PARPBP: variants seen among roughly 807,000 people sequenced by gnomAD.
PARPBP encodes the protein PARP1 binding protein, also known as PCNA-interacting partner.
In PARPBP, 52 loss-of-function variants were observed where a neutral mutation model predicts 50.0. That is an observed-to-expected ratio of 1.04 (90% confidence interval 0.83 to 1.31). The LOEUF (loss-of-function observed/expected upper bound fraction) is 1.31. Ranked by LOEUF, PARPBP falls within the 50% of genes most tolerant of loss-of-function variation. The pLI is 0.00. For missense variants in PARPBP, 697 were observed against 672.0 expected (o/e 1.04, Z -0.41); for synonymous variants, 244 against 232.1 (o/e 1.05, Z -0.47).
At chr12:102,152,126 A>T (rs930169827) in intron 3 of PARPBP, 3 of 287,600 alleles carry the variant, frequency 1.0e-5, no homozygotes, top group Non-Finnish European at 2.0e-5. Flanking sequence ...TCCTCTTCCT[A>T]GATGTTGGGC....
rs765629077 is a variant in PARPBP, at chr12:102,197,043, T to TG, written c.*753dup. On this transcript the variant is annotated 3_prime_UTR_variant, in exon 11 of 11. Transcript: ENST00000327680. The stretch of plus-strand genomic sequence containing the variant: ...CATCCCCAATTTCTCTCTTTTCTTG[T>TG]GTTGATTCAGTATTCTGAACTCCAT... The TG allele has an allele frequency of 6.2e-7, 1 of 1,612,252 alleles. No homozygotes were observed. Among genetic ancestry groups the TG allele is most frequent in the East Asian group, 2.2e-5 (1 of 44,774 alleles).
chr12:102,164,337 A>G lies in PARPBP; in HGVS notation c.496-101A>G, dbSNP rs1316703713. 5.0e-6 allele frequency: 4 copies of G among 801,834 alleles called. No homozygotes were observed. In the African/African-American group the frequency reaches 6.9e-5, roughly 14 times the overall value. The allele number at this position is 801,834 out of a possible 1,614,324, so 49.7% of individuals were successfully genotyped here. A position where few individuals can be genotyped will look rare whatever the true frequency, so the allele number is the denominator to read the frequency against. On this transcript the variant is annotated intron_variant, in intron 4 of 10. Coordinates refer to ENST00000327680, the MANE Select transcript of PARPBP (RefSeq NM_017915.5). Reference sequence around the variant, plus strand: ...ATTTTTCTAAAGAGTTAAGTGAGGTATTGTGATTGAATGATTACATACATT... The same window carrying G: ...ATTTTTCTAAAGAGTTAAGTGAGGTGTTGTGATTGAATGATTACATACATT...
rs578029835 is a variant in PARPBP, at chr12:102,196,667, A to C, written c.*376A>C. ...CCAACAGGTATCAGACTTGCCAACAAGGTCGGTAGACTCTTCCCAGCATAC... is the reference window on the plus strand; with the variant it reads ...CCAACAGGTATCAGACTTGCCAACACGGTCGGTAGACTCTTCCCAGCATAC... On this transcript the variant is annotated 3_prime_UTR_variant, in exon 11 of 11. Transcript: ENST00000327680. The C allele has an allele frequency of 6.2e-7, 1 of 1,610,428 alleles. No individual in the cohort carries two copies. Among genetic ancestry groups the C allele is most frequent in the Admixed American group, 1.7e-5 (1 of 59,940 alleles).
chr12:102,174,277 A>T (rs1446897213), intron 6 of PARPBP, among the ~76,000 whole-genome samples: 2 of 152,120 alleles, frequency 1.3e-5, no homozygotes, highest in Admixed American at 6.5e-5. Context: ...TTGATGTTTT[A>T]AACAAATGCC....
intron 1 of PARPBP, among the ~76,000 whole-genome samples, chr12:102,122,985 T>G (rs1881389435): frequency 6.6e-6 from 1 of 152,194 alleles, no homozygotes; most frequent in South Asian, 2.1e-4. Context: ...TCCTTCTGAT[T>G]CTGTGGATCA....
At chr12:102,182,772 G>A (rs1889956340) in intron 9 of PARPBP, 145 bp downstream of exon 9, 3 of 655,870 alleles carry the variant, frequency 4.6e-6, no homozygotes, top group Non-Finnish European at 8.0e-6. Context: ...AGTTATGACA[G>A]TTGACGTACA....
chr12:102,197,315 A>G lies in PARPBP; in HGVS notation c.*1024A>G. 1.2e-6 allele frequency: 1 copy of G among 843,536 alleles called. No homozygotes were observed. Among genetic ancestry groups the G allele is most frequent in the Non-Finnish European group, 1.8e-6 (1 of 555,262 alleles). 52.3% of individuals were successfully genotyped at this position (843,536 alleles called of 1,614,324 possible). On this transcript the variant is annotated 3_prime_UTR_variant, in exon 11 of 11. Transcript: ENST00000327680. ...AAAAATACCTTAGATGCAAATTTAT[A>G]GGAGAAAAAACACTTTCAGATAAGA...
chr12:102,135,144 A>G (rs1883428014), intron 2 of PARPBP, among the ~76,000 whole-genome samples: 1 of 152,202 alleles, frequency 6.6e-6, no homozygotes, highest in African/African-American at 2.4e-5. Flanking sequence ...AAATCATACA[A>G]ATTTAATAGG....
chr12:102,184,267 T>C (rs938318299), intron 9 of PARPBP, among the ~76,000 whole-genome samples: 2 of 152,124 alleles, frequency 1.3e-5, no homozygotes, highest in African/African-American at 4.8e-5. Context: ...ATGCATTGCA[T>C]AATAATCACA....
chr12:102,195,976 A>G lies in PARPBP; in HGVS notation c.1425A>G (p.Arg475=), dbSNP rs145405514. Residue 475 remains arginine, a synonymous_variant, in exon 11 of 11, where the codon AGA becomes AGG. Transcript: ENST00000327680. ...LSEGVNPSVG[R]STIGTSFGNV... The stretch of plus-strand genomic sequence containing the variant: ...AGGGTGTAAATCCATCTGTTGGAAG[A>G]TCAACAATTGGAACGAGTTTTGGAA... The G allele has an allele frequency of 1.9e-6, 3 of 1,604,078 alleles. No individual in the cohort carries two copies. The highest frequency in any genetic ancestry group is 2.6e-6 in the Non-Finnish European group (3 of 1,175,424).
chr12:102,194,417 A>G (rs1341919212), intron 9 of PARPBP, among the ~76,000 whole-genome samples: 1 of 151,996 alleles, frequency 6.6e-6, no homozygotes, highest in Non-Finnish European at 1.5e-5. Flanking sequence ...TCTCTCCATT[A>G]AACCTGAATG....
chr12:102,170,795 T>C (rs778537395), intron 6 of PARPBP, among the ~76,000 whole-genome samples: 29 of 152,180 alleles, frequency 1.9e-4, no homozygotes, highest in Non-Finnish European at 1.8e-4. Flanking sequence ...ATTTTGAAAC[T>C]TTTTGAGTCT....
chr12:102,163,253 A>G (rs1030243660), intron 4 of PARPBP, among the ~76,000 whole-genome samples: 1 of 151,770 alleles, frequency 6.6e-6, no homozygotes, highest in Non-Finnish European at 1.5e-5. Context: ...TTGTAATCGT[A>G]TAGTAATTTA....
At chr12:102,129,247 A>G (rs1407483501) in intron 2 of PARPBP, among the ~76,000 whole-genome samples, 1 of 152,124 alleles carries the variant, frequency 6.6e-6, no homozygotes, top group African/African-American at 2.4e-5. Flanking sequence ...TCAACCTCTG[A>G]AGTAATTGAG....
Position 102,196,708 on chromosome 12 carries a change from G to A in PARPBP, c.*417G>A, listed in dbSNP as rs1891340552. The A allele has an allele frequency of 6.2e-7, 1 of 1,603,780 alleles. No individual in the cohort carries two copies. The stretch of plus-strand genomic sequence containing the variant: ...CCCAGCATACATCTGAGCACTGAAG[G>A]AAGAAGAAAGTTTAAATTGTTTAAA... On this transcript the variant is annotated 3_prime_UTR_variant, in exon 11 of 11. Transcript: ENST00000327680.
intron 3 of PARPBP, among the ~76,000 whole-genome samples, chr12:102,149,929 A>G (rs1885960007): frequency 1.3e-5 from 2 of 152,352 alleles, no homozygotes; most frequent in Non-Finnish European, 2.9e-5. Context: ...AGGCTTAATC[A>G]TATATCAGTA....
intron 2 of PARPBP, among the ~76,000 whole-genome samples, chr12:102,136,705 G>C (rs1883684309): frequency 6.6e-6 from 1 of 152,106 alleles, no homozygotes; most frequent in South Asian, 2.1e-4. Flanking sequence ...GTAGTGGTGT[G>C]GTAGGTTGCA....
chr12:102,155,976 C>T (rs888849648), intron 4 of PARPBP, among the ~76,000 whole-genome samples: 49 of 152,094 alleles, frequency 3.2e-4, no homozygotes, highest in African/African-American at 1.1e-3. Flanking sequence ...CCGTGACCCA[C>T]GGCTTCTAAT....
At chr12:102,163,217 T>C (rs535393070) in intron 4 of PARPBP, among the ~76,000 whole-genome samples, 2 of 152,364 alleles carry the variant, frequency 1.3e-5, no homozygotes, top group East Asian at 3.9e-4. Flanking sequence ...GAGTGTTCTT[T>C]TGTAAATACT....
Sources: allele counts gnomAD v4.1 joint callset (sites outside exome capture counted in the v4.1 genomes callset), GRCh38; gene constraint gnomAD v4.1.1; transcripts MANE v1.5; gene names NCBI Gene and HGNC (gene_info 2026-07-23, HGNC 2026-07-21).